The following NFATC2 variants were observed in gnomAD, a reference collection of about 807,000 sequenced individuals.
NFATC2 encodes the protein nuclear factor of activated T cells 2, also known as nuclear factor of activated T-cells, cytoplasmic 2.
A neutral mutation model predicts 87.3 loss-of-function variants in NFATC2; 22 were observed. The observed-to-expected ratio is 0.25, with a 90% CI of 0.18 to 0.36. NFATC2 has a LOEUF of 0.36. Among genes scored for constraint, NFATC2 ranks in the 10% least tolerant of loss-of-function variants. The pLI is 1.00. For missense variants in NFATC2, 1,149 were observed against 1,259.1 expected (o/e 0.91, Z 1.32); for synonymous variants, 565 against 542.2 (o/e 1.04, Z -0.58).
intron 6 of NFATC2, among the ~76,000 whole-genome samples, chr20:51,437,040 G>A (rs1983680211): frequency 6.6e-6 from 1 of 150,892 alleles, no homozygotes; most frequent in Non-Finnish European, 1.5e-5. Context: ...CTGATGAAGA[G>A]GTTTTGCTCA....
rs1986140480 is a variant in NFATC2, at chr20:51,389,893, A to C, written c.*1603T>G. 6.6e-6 allele frequency: 1 copy of C among 152,188 alleles called. No individual in the cohort carries two copies. The highest frequency in any genetic ancestry group is 1.5e-5 in the Non-Finnish European group (1 of 68,042). The allele number at this position is 152,188 out of a possible 1,614,324, so 9.4% of individuals were successfully genotyped here. ...CAGACTGGACTGAGAAAACACTCTAAGTACAGTCTGAGTGCTAAGAATATT... is the reference window on the plus strand; with the variant it reads ...CAGACTGGACTGAGAAAACACTCTACGTACAGTCTGAGTGCTAAGAATATT... On this transcript the variant is annotated 3_prime_UTR_variant, in exon 11 of 11. Coordinates refer to ENST00000371564, the MANE Select transcript of NFATC2 (RefSeq NM_012340.5).
At chr20:51,425,414 G>T (rs927426610) in intron 9 of NFATC2, among the ~76,000 whole-genome samples, 1 of 152,180 alleles carries the variant, frequency 6.6e-6, no homozygotes, top group African/African-American at 2.4e-5. Flanking sequence ...TACTCAGACC[G>T]GGCTCTCCAG....
At chr20:51,505,452 GGT>G (rs33948064) in intron 3 of NFATC2, among the ~76,000 whole-genome samples, 77,561 of 147,500 alleles carry the variant, frequency 0.53, 20,407 homozygotes, top group Admixed American at 0.58. Context: ...TATATGTGTA[GGT>G]GTGTGTATAT....
rs1033196108 is a variant in NFATC2 at position 51,415,126 on chromosome 20, A to G, written c.2723-16396T>C. ...CCAGGTGTGGTGGCACATGCTGGTA[A>G]TCCCAGCTACTTGGGGAGCTGAGGT... is the stretch of plus-strand genomic sequence containing the variant. On this transcript the variant is annotated intron_variant, in intron 9 of 10. Coordinates refer to ENST00000371564, the MANE Select transcript of NFATC2 (RefSeq NM_012340.5). 3.3e-5 allele frequency among the ~76,000 whole-genome samples: 5 copies of G among 151,994 alleles called. No individual in the cohort carries two copies. In the South Asian group the frequency reaches 1.0e-3, roughly 32 times the overall value.
intron 9 of NFATC2, among the ~76,000 whole-genome samples, chr20:51,425,396 C>A (rs571538184): frequency 6.6e-6 from 1 of 152,342 alleles, no homozygotes; most frequent in Admixed American, 6.5e-5. Context: ...GCAAGGCCTA[C>A]GCTGAGATAC....
intron 1 of NFATC2, among the ~76,000 whole-genome samples, chr20:51,557,546 A>G (rs898447691): frequency 4.6e-5 from 7 of 152,218 alleles, no homozygotes; most frequent in African/African-American, 7.2e-5. Context: ...CCAGAAAACA[A>G]GAGAAATGTG....
chr20:51,509,990 C>T (rs1452309452), intron 3 of NFATC2, among the ~76,000 whole-genome samples: 1 of 152,202 alleles, frequency 6.6e-6, no homozygotes, highest in African/African-American at 2.4e-5. Flanking sequence ...GCAAGGAATT[C>T]CTCGTAACAG....
chr20:51,478,285 T>C (rs1988930696), intron 3 of NFATC2, among the ~76,000 whole-genome samples: 1 of 152,230 alleles, frequency 6.6e-6, no homozygotes, highest in Non-Finnish European at 1.5e-5. Flanking sequence ...ATTTTGTTTT[T>C]GTTGTTTTTG....
At chr20:51,495,794 A>G (rs2075978439) in intron 3 of NFATC2, among the ~76,000 whole-genome samples, 1 of 152,130 alleles carries the variant, frequency 6.6e-6, no homozygotes, top group Admixed American at 6.5e-5. Flanking sequence ...CTGGGTCTAC[A>G]TGCCACCATG....
chr20:51,513,329 T>A (rs1240594725), intron 3 of NFATC2, among the ~76,000 whole-genome samples: 1 of 151,770 alleles, frequency 6.6e-6, no homozygotes, highest in Non-Finnish European at 1.5e-5. Flanking sequence ...AAGGAAAAAA[T>A]TAGCTGGGCA....
intron 5 of NFATC2, among the ~76,000 whole-genome samples, chr20:51,471,558 C>T (rs1012079495): frequency 2.0e-5 from 3 of 152,154 alleles, no homozygotes; most frequent in African/African-American, 7.2e-5. Flanking sequence ...CAGACTGATC[C>T]ACGTCTTGAC....
chr20:51,398,311 T>C lies in NFATC2; in HGVS notation c.*44+332A>G, dbSNP rs576884942. On this transcript the variant is annotated intron_variant, in intron 10 of 10. Transcript: ENST00000371564. ...CCACGGATGGAGAGCCTCATTTAAC[T>C]GGACACCCACAACAAAGTGTGCAAA... 5.9e-4 allele frequency among the ~76,000 whole-genome samples: 90 copies of C among 152,250 alleles called. 1 individual carries two copies. In the South Asian group the frequency reaches 0.018, roughly 30 times the overall value.
In NFATC2 at chr20:51,432,600, T is replaced by C; in HGVS notation, c.2189A>G (p.Gln730Arg). The C allele has an allele frequency of 6.5e-7, 1 of 1,530,606 alleles. No individual in the cohort carries two copies. The highest frequency in any genetic ancestry group is 8.8e-7 in the Non-Finnish European group (1 of 1,139,700). The allele number at this position is 1,530,606 out of a possible 1,614,324, so 94.8% of individuals were successfully genotyped here. Residue 730 changes from glutamine to arginine, a missense_variant, in exon 9 of 11, where the codon CAG becomes CGG. Transcript: ENST00000371564. The surrounding 1 kb of genome is among the most constrained non-coding windows in gnomAD (Gnocchi z 4.6). ...CLVATMAPCQQFRTGLSSPDA... is the reference protein window; with the variant it reads ...CLVATMAPCQRFRTGLSSPDA... ...AGGGGATGAGAGCCCCGTGCGGAAC[T>C]GCTGGCAGGGAGCCATGGTGGCCAC...
intron 9 of NFATC2, among the ~76,000 whole-genome samples, chr20:51,400,090 TCCCA>T (rs1349916667): frequency 6.6e-6 from 1 of 151,482 alleles, no homozygotes; most frequent in East Asian, 1.9e-4. Context: ...ACAGCCCACA[TCCCA>T]CCCACCCATA....
rs543018396 is a variant in NFATC2, at chr20:51,480,105, T to G, written c.1333-4445A>C. Reference sequence around the variant, plus strand: ...GAGTTCAAGACCAGCCCGGGCAACATGGTGAAACCCCGTCTCTGTGAAAAA... The same window carrying G: ...GAGTTCAAGACCAGCCCGGGCAACAGGGTGAAACCCCGTCTCTGTGAAAAA... On this transcript the variant is annotated intron_variant, in intron 3 of 10. Coordinates refer to ENST00000371564, the MANE Select transcript of NFATC2 (RefSeq NM_012340.5). The surrounding 1 kb of genome is among the most constrained non-coding windows in gnomAD (Gnocchi z 4.2). Among the ~76,000 whole-genome samples, 6 of 151,890 alleles carry G rather than the reference T, an allele frequency of 4.0e-5. No individual in the cohort carries two copies. Among genetic ancestry groups the G allele is most frequent in the Admixed American group, 3.9e-4 (6 of 15,258 alleles).
intron 1 of NFATC2, among the ~76,000 whole-genome samples, chr20:51,558,722 G>A (rs1440183016): frequency 1.3e-5 from 2 of 152,108 alleles, no homozygotes; most frequent in Non-Finnish European, 2.9e-5. Context: ...GTGTCTAGGG[G>A]CCCTGCTCCT....
intron 1 of NFATC2, among the ~76,000 whole-genome samples, chr20:51,535,007 C>A (rs2076696583): frequency 6.6e-6 from 1 of 152,208 alleles, no homozygotes; most frequent in Non-Finnish European, 1.5e-5. Flanking sequence ...CCTTGCTGAA[C>A]TCCCTCCGTT....
chr20:51,431,941 AAATT>A, intron 9 of NFATC2, 122 bp downstream of exon 9: 2 of 1,028,856 alleles, frequency 1.9e-6, no homozygotes, highest in Non-Finnish European at 2.7e-6. Flanking sequence ...CAACCTCCTT[AAATT>A]AAAATGGGGA....
At chr20:51,552,637 G>C (rs2076943835) in intron 1 of NFATC2, among the ~76,000 whole-genome samples, 1 of 152,102 alleles carries the variant, frequency 6.6e-6, no homozygotes, top group South Asian at 2.1e-4. Context: ...TCGTAAGACA[G>C]CAGGGTTCTA....
Sources: gnomAD v4.1 joint callset for allele counts (sites outside exome capture counted in the v4.1 genomes callset) on GRCh38, gnomAD v4.1.1 for gene constraint, Gnocchi (gnomAD v3.1) non-coding constraint, MANE v1.5 for transcripts, NCBI Gene and HGNC (gene_info 2026-07-23, HGNC 2026-07-21) for gene names.